Variants in NOP14 observed in about 807,000 individuals in gnomAD.
NOP14 encodes nucleolar protein 14.
A neutral mutation model predicts 101.6 loss-of-function variants in NOP14; 57 were observed. The ratio of observed to expected loss-of-function variants is 0.56; its 90% CI spans 0.45 to 0.70. NOP14 has a LOEUF of 0.70. Ranked by LOEUF, NOP14 falls within the 30% of genes least tolerant of loss-of-function variation. The pLI is 0.00. For synonymous variants in NOP14, 428 were observed against 424.0 expected (o/e 1.01, Z -0.12); for missense variants, 1,134 against 1,075.5 (o/e 1.05, Z -0.76).
chr4:2,941,484 C>T, intron 15 of NOP14, 98 bp downstream of exon 15: 4 of 1,130,752 alleles, frequency 3.5e-6, no homozygotes, highest in Non-Finnish European at 5.0e-6. Context: ...TGTTGACTTA[C>T]AGCTGCAGCA....
chr4:2,960,115 G>A (rs558144822), intron 1 of NOP14, among the ~76,000 whole-genome samples: 6 of 152,194 alleles, frequency 3.9e-5, no homozygotes, highest in African/African-American at 1.2e-4. Context: ...GATTACAGGC[G>A]CACGCTGCCA....
chr4:2,945,790 T>G (rs577320220), intron 11 of NOP14, among the ~76,000 whole-genome samples: 1 of 152,208 alleles, frequency 6.6e-6, no homozygotes, highest in Admixed American at 6.5e-5. Context: ...TTCCAATGTT[T>G]TTGTCACTGG....
chr4:2,941,434 G>A (rs1013312979), intron 15 of NOP14, 148 bp downstream of exon 15: 1 of 715,294 alleles, frequency 1.4e-6, no homozygotes, highest in Non-Finnish European at 2.3e-6. Context: ...CCACTCTTAT[G>A]ATTTTACTTC....
intron 14 of NOP14, 64 bp downstream of exon 14, chr4:2,942,128 T>C: frequency 6.6e-7 from 1 of 1,508,716 alleles, no homozygotes; most frequent in Non-Finnish European, 9.0e-7. Context: ...AAAGCACGAG[T>C]GGCTTCTCCT....
At chr4:2,953,666 A>C in intron 4 of NOP14, 21 bp from the exon 5 acceptor site, 2 of 1,613,880 alleles carry the variant, frequency 1.2e-6, no homozygotes, top group Non-Finnish European at 1.7e-6. Context: ...AATAACAGAC[A>C]CACACCACAT....
At chr4:2,941,547 C>T in intron 15 of NOP14, 35 bp downstream of exon 15, 1 of 1,603,088 alleles carries the variant, frequency 6.2e-7, no homozygotes, top group South Asian at 1.1e-5. Context: ...ATGTCTGAGC[C>T]CAGGCAGAGC....
intron 9 of NOP14, 27 bp downstream of exon 9, chr4:2,948,251 C>A (rs199774193): frequency 6.4e-7 from 1 of 1,571,284 alleles, no homozygotes; most frequent in African/African-American, 1.4e-5. Flanking sequence ...ACACTCCCAG[C>A]GCTCCACACA....
chr4:2,962,816 A>G (rs1330405445), intron 1 of NOP14, among the ~76,000 whole-genome samples: 1 of 152,190 alleles, frequency 6.6e-6, no homozygotes, highest in Non-Finnish European at 1.5e-5. Flanking sequence ...TGCAGAGCTC[A>G]AAGTAAACGC....
At chr4:2,944,991 C>A (rs1327682505) in intron 12 of NOP14, 137 bp downstream of exon 12, 1 of 614,532 alleles carries the variant, frequency 1.6e-6, no homozygotes, top group Non-Finnish European at 2.8e-6. Flanking sequence ...GATGGGCCCT[C>A]TTTGGCCTAA....
At position 2,946,433 on chromosome 4, in the gene NOP14, C is replaced by T. The variant is rs115160007; in HGVS notation, c.1614G>A (p.Ala538=). The change falls in exon 11 of 18, where the codon GCG becomes GCA. Residue 538 remains alanine, a synonymous_variant. Transcript: ENST00000416614. ...MEEMIETKGR[A]ALPGLDVLIY... ...TTACCACATCCAACCCTGGCAATGC[C>T]GCCCGGCCTTTGGTCTCAATCATTT... 1.4e-3 allele frequency: 2,256 copies of T among 1,614,252 alleles called. 17 individuals are homozygous for T. Among genetic ancestry groups the T allele is most frequent in the African/African-American group, 0.01 (752 of 75,072 alleles).
At position 2,954,430 on chromosome 4, in the gene NOP14, T is replaced by A. The variant is rs1487355576; in HGVS notation, c.606A>T (p.Gln202His). 1 of 1,614,104 alleles carries A rather than the reference T, an allele frequency of 6.2e-7. No homozygotes were observed. Among genetic ancestry groups the A allele is most frequent in the Non-Finnish European group, 8.5e-7 (1 of 1,179,972 alleles). ...LIEELIAKSK[Q>H]EKRERQAQRE... ...AGAACACTCACTAACCCACCTTCTCTTGTTTTGACTTGGCAATGAGCTCTT... is the reference window on the plus strand; with the variant it reads ...AGAACACTCACTAACCCACCTTCTCATGTTTTGACTTGGCAATGAGCTCTT... Residue 202 changes from glutamine (Q) to histidine (H), a missense_variant, in exon 4 of 18, where the codon CAA (glutamine) becomes CAT (histidine). By Grantham distance (24) the Gln-to-His change is conservative (BLOSUM62 0). Transcript: ENST00000416614.
Position 2,949,975 on chromosome 4 carries a change from G to A in NOP14, c.1241C>T (p.Ala414Val). Residue 414 changes from alanine to valine, a missense_variant, in exon 8 of 18, where the codon GCT (alanine) becomes GTT (valine). Transcript: ENST00000416614. The stretch of plus-strand genomic sequence containing the variant: ...CAGCTCGTCTCTGGTAGCTTTTCCA[G>A]CTCTTTCCTTGCCGCTTATCAACCC... ...GKGLISGKER[A>V]GKATRDELPY... The A allele has an allele frequency of 6.2e-7, 1 of 1,614,084 alleles. No homozygotes were observed. The highest frequency in any genetic ancestry group is 8.5e-7 in the Non-Finnish European group (1 of 1,180,018).
At chr4:2,943,581 C>G (rs918673486) in intron 13 of NOP14, among the ~76,000 whole-genome samples, 1 of 152,214 alleles carries the variant, frequency 6.6e-6, no homozygotes, top group South Asian at 2.1e-4. Flanking sequence ...TTGCCGCCCT[C>G]GCTCCTGAAT....
intron 11 of NOP14, among the ~76,000 whole-genome samples, chr4:2,945,953 T>G (rs1485919261): frequency 2.6e-4 from 36 of 137,060 alleles, no homozygotes; most frequent in Non-Finnish European, 5.4e-4. Flanking sequence ...GCACTCTCAC[T>G]CCAGATCACC....
intron 5 of NOP14, among the ~76,000 whole-genome samples, 161 bp downstream of exon 5, chr4:2,953,350 C>T (rs993799954): frequency 6.6e-5 from 10 of 152,118 alleles, no homozygotes; most frequent in Non-Finnish European, 1.3e-4. Flanking sequence ...CTACTTCCAC[C>T]CCAAGATTAC....
At chr4:2,960,749 T>TTATAATCACATTAATATTAATATATTAA (rs1560310684) in intron 1 of NOP14, among the ~76,000 whole-genome samples, 4 of 82,482 alleles carry the variant, frequency 4.8e-5, no homozygotes, top group Non-Finnish European at 1.1e-4. Context: ...TATATTAATA[T>TTATAATCACATTAATATTAATATATTAA]TATAATCACA....
intron 1 of NOP14, among the ~76,000 whole-genome samples, chr4:2,959,000 G>A (rs944381059): frequency 2.0e-5 from 3 of 152,092 alleles, no homozygotes; most frequent in Admixed American, 6.6e-5. Flanking sequence ...ATCTGGAGAG[G>A]TCAACCGAAA....
chr4:2,960,705 T>C (rs150954762), intron 1 of NOP14, among the ~76,000 whole-genome samples: 23,410 of 120,658 alleles, frequency 0.19, 3,823 homozygotes, highest in Non-Finnish European at 0.27. Context: ...ACATTAATAT[T>C]AATATATTAA....
At position 2,938,715 on chromosome 4, in the gene NOP14, C is replaced by T. The variant is rs1012863562; in HGVS notation, c.*116G>A. 6.4e-6 allele frequency: 5 copies of T among 782,938 alleles called. No homozygotes were observed. The African/African-American group carries it at 7.0e-5, about 11-fold the overall frequency. 48.5% of individuals were successfully genotyped at this position (782,938 alleles called of 1,614,324 possible). ...TAGAGACGGGGTCTTCCTGTGTTGCCCAGGCTGGTCTCGAACTCCTGGGCT... is the reference window on the plus strand; with the variant it reads ...TAGAGACGGGGTCTTCCTGTGTTGCTCAGGCTGGTCTCGAACTCCTGGGCT... On this transcript the variant is annotated 3_prime_UTR_variant, in exon 18 of 18. Transcript: ENST00000416614.
Sources: gnomAD v4.1 joint callset for allele counts (sites outside exome capture counted in the v4.1 genomes callset) on GRCh38, gnomAD v4.1.1 for gene constraint, MANE v1.5 for transcripts, NCBI Gene and HGNC (gene_info 2026-07-23, HGNC 2026-07-21) for gene names.